Variants in SPATA6 observed in about 807,000 individuals in gnomAD.
SPATA6 encodes spermatogenesis associated 6.
In SPATA6, 56 loss-of-function variants were observed where a neutral mutation model predicts 65.3. That is an observed-to-expected ratio of 0.86 (90% confidence interval 0.69 to 1.07). SPATA6 has a LOEUF of 1.07. Among genes scored for constraint, SPATA6 ranks in the 50% least tolerant of loss-of-function variants. SPATA6 has a pLI of 0.00. For missense variants in SPATA6, 590 were observed against 594.8 expected (o/e 0.99, Z 0.08); for synonymous variants, 199 against 213.2 (o/e 0.93, Z 0.58).
chr1:48,311,889 T>C (rs1329276599), intron 11 of SPATA6, among the ~76,000 whole-genome samples: 1 of 152,168 alleles, frequency 6.6e-6, no homozygotes, highest in East Asian at 1.9e-4. Context: ...GCTTTTCCAA[T>C]GGTCTTAGCA....
At chr1:48,290,864 A>G (rs374839683), downstream of SPATA6, among the ~76,000 whole-genome samples, 103 of 152,326 alleles carry the variant, frequency 6.8e-4, 2 homozygotes, top group South Asian at 0.02. Flanking sequence ...TTAGAGACCT[A>G]CAAAGAGACT....
the SPATA6 span, among the ~76,000 whole-genome samples, chr1:48,267,641 T>C: frequency 1.3e-5 from 2 of 151,884 alleles, no homozygotes; most frequent in Admixed American, 6.6e-5. Flanking sequence ...TCCTCATCAG[T>C]GTGCACTTCC....
In SPATA6 at chr1:48,436,446, A is replaced by T. The variant is rs1654945041; in HGVS notation, c.238+15106T>A. The stretch of plus-strand genomic sequence containing the variant: ...TTCCTGAAGGAATGAGTGAAACTTT[A>T]ATAAGAAACATTATCTTTGGAGCTG... On this transcript the variant is annotated intron_variant, in intron 3 of 12. Transcript: ENST00000371847. 4 of 1,606,860 alleles carry T rather than the reference A, an allele frequency of 2.5e-6. No homozygotes were observed. The South Asian group carries it at 4.4e-5, about 18-fold the overall frequency.
At chr1:48,425,048 C>G (rs926109115) in intron 3 of SPATA6, among the ~76,000 whole-genome samples, 18 of 152,134 alleles carry the variant, frequency 1.2e-4, no homozygotes, top group Non-Finnish European at 2.4e-4. Flanking sequence ...AGGGGTAGTG[C>G]TCAAGAAGTC....
At chr1:48,263,097 A>G in the SPATA6 span, 3 of 152,150 alleles carry the variant, frequency 2.0e-5, no homozygotes, top group Non-Finnish European at 2.9e-5. Flanking sequence ...AGATCTGACA[A>G]TAACGTATAA....
the SPATA6 span, among the ~76,000 whole-genome samples, chr1:48,277,225 C>A: frequency 6.6e-6 from 1 of 151,884 alleles, no homozygotes; most frequent in Non-Finnish European, 1.5e-5. Context: ...GGAACCGCTC[C>A]GGTCTACAGT....
At chr1:48,306,530 T>C (rs112008608) in intron 11 of SPATA6, among the ~76,000 whole-genome samples, 3,552 of 152,084 alleles carry the variant, frequency 0.023, 40 homozygotes, top group South Asian at 0.06. Flanking sequence ...GTTAAATTCA[T>C]ATGTGTGGTA....
At chr1:48,392,488 T>C (rs1380988748) in intron 8 of SPATA6, among the ~76,000 whole-genome samples, 1 of 152,092 alleles carries the variant, frequency 6.6e-6, no homozygotes, top group African/African-American at 2.4e-5. Context: ...ACAGCTACAA[T>C]GTGCTTGAAA....
chr1:48,444,155 T>C (rs1010752304), intron 3 of SPATA6, among the ~76,000 whole-genome samples: 2 of 152,162 alleles, frequency 1.3e-5, no homozygotes, highest in Non-Finnish European at 2.9e-5. Context: ...CTTTTGTGTC[T>C]AGCTAAAGGA....
intron 3 of SPATA6, among the ~76,000 whole-genome samples, chr1:48,442,717 TAAAAAAAAAA>T (rs71056669): frequency 2.2e-4 from 10 of 46,218 alleles, no homozygotes; most frequent in Middle Eastern, 0.023. Context: ...ATGGAAGTAG[TAAAAAAAAAA>T]AAAAAAAAAA....
the SPATA6 span, among the ~76,000 whole-genome samples, chr1:48,264,422 A>T: frequency 4.6e-5 from 7 of 152,142 alleles, no homozygotes; most frequent in Non-Finnish European, 4.4e-5. Context: ...CAGAACATGC[A>T]GGTTTGTTAC....
rs917802799 is a variant in SPATA6 at position 48,297,129 on chromosome 1, T to C, written c.*1584A>G. 9.4e-6 allele frequency: 1 copy of C among 106,690 alleles called. No homozygotes were observed. The highest frequency in any genetic ancestry group is 1.9e-5 in the Non-Finnish European group (1 of 51,682). 6.6% of individuals were successfully genotyped at this position (106,690 alleles called of 1,614,324 possible). A position where few individuals can be genotyped will look rare whatever the true frequency, so the allele number is the denominator to read the frequency against. On this transcript the variant is annotated 3_prime_UTR_variant, in exon 13 of 13. Coordinates refer to ENST00000371847, the MANE Select transcript of SPATA6 (RefSeq NM_019073.4). ...CCTACATATGACTCTCTAAGAGGTG[T>C]GTGTGTGTGTGTGTGTGTGTGTGTG...
the SPATA6 span, among the ~76,000 whole-genome samples, chr1:48,285,752 C>T: frequency 6.6e-6 from 1 of 152,178 alleles, no homozygotes; most frequent in Non-Finnish European, 1.5e-5. Context: ...TTCAGCTTTC[C>T]CTCTGCAGGC....
intron 11 of SPATA6, among the ~76,000 whole-genome samples, chr1:48,332,183 A>AT (rs1645935294): frequency 6.6e-6 from 1 of 152,224 alleles, no homozygotes; most frequent in South Asian, 2.1e-4. Flanking sequence ...CAAGTCTAGC[A>AT]TAACAACCAC....
At chr1:48,456,442 A>G (rs1247744003) in intron 1 of SPATA6, among the ~76,000 whole-genome samples, 1 of 152,126 alleles carries the variant, frequency 6.6e-6, no homozygotes, top group African/African-American at 2.4e-5. Context: ...TAAAAAGTCT[A>G]ATTTTCAACA....
chr1:48,367,416 A>G (rs1647059327), intron 9 of SPATA6, among the ~76,000 whole-genome samples: 1 of 152,094 alleles, frequency 6.6e-6, no homozygotes. Flanking sequence ...TCCCATTATT[A>G]TTGTGTGGGA....
downstream of SPATA6, among the ~76,000 whole-genome samples, chr1:48,293,447 C>A (rs1405782035): frequency 6.6e-6 from 1 of 152,162 alleles, no homozygotes; most frequent in Non-Finnish European, 1.5e-5. Context: ...AAAGCCCTCC[C>A]ACAGCTATTT....
chr1:48,428,034 A>T (rs570522609), intron 3 of SPATA6, among the ~76,000 whole-genome samples: 2 of 152,294 alleles, frequency 1.3e-5, no homozygotes, highest in East Asian at 3.9e-4. Context: ...CTCCAGCTGC[A>T]TCCATGCTGC....
At chr1:48,393,485 T>C (rs551693642) in intron 8 of SPATA6, among the ~76,000 whole-genome samples, 1 of 152,278 alleles carries the variant, frequency 6.6e-6, no homozygotes, top group Non-Finnish European at 1.5e-5. Context: ...CTGAATGCTA[T>C]GTATGATGAT....
Sources: allele counts gnomAD v4.1 joint callset (sites outside exome capture counted in the v4.1 genomes callset), GRCh38; gene constraint gnomAD v4.1.1; transcripts MANE v1.5; gene names NCBI Gene and HGNC (gene_info 2026-07-23, HGNC 2026-07-21).